The following RBMS1 variants were observed in gnomAD, a reference collection of about 807,000 sequenced individuals.
RBMS1 encodes the protein RNA binding motif single stranded interacting protein 1.
RBMS1 carries 17 observed loss-of-function variants against 62.3 expected under a neutral mutation model. The ratio of observed to expected loss-of-function variants is 0.27; its 90% CI spans 0.19 to 0.41. RBMS1 has a LOEUF of 0.41. Among genes scored for constraint, RBMS1 ranks in the 10% least tolerant of loss-of-function variants. The probability of loss-of-function intolerance (pLI) is 1.00; values close to 1 mark genes in which losing one functional copy is unlikely to be tolerated. For missense variants in RBMS1, 334 were observed against 504.5 expected (o/e 0.66, Z 3.24); for synonymous variants, 172 against 170.0 (o/e 1.01, Z -0.09).
At chr2:160,419,470 T>C (rs560006471) in intron 1 of RBMS1, among the ~76,000 whole-genome samples, 7 of 152,308 alleles carry the variant, frequency 4.6e-5, no homozygotes, top group South Asian at 4.1e-4. Context: ...GTATAAACTC[T>C]TGTAGTTCAA....
At chr2:160,400,527 T>C (rs967811395) in intron 1 of RBMS1, among the ~76,000 whole-genome samples, 17 of 152,026 alleles carry the variant, frequency 1.1e-4, no homozygotes, top group Admixed American at 1.1e-3. Context: ...AATTTATCTG[T>C]CCACAAAACA....
chr2:160,355,787 A>G (rs1469841997), intron 2 of RBMS1, among the ~76,000 whole-genome samples: 3 of 151,978 alleles, frequency 2.0e-5, no homozygotes, highest in Non-Finnish European at 4.4e-5. Context: ...ATCACTCCCT[A>G]CTTTGTAATC....
intron 1 of RBMS1, among the ~76,000 whole-genome samples, chr2:160,426,199 GAAGA>G (rs1375365998): frequency 1.5e-5 from 2 of 131,314 alleles, no homozygotes; most frequent in Non-Finnish European, 3.3e-5. Flanking sequence ...CGAAAGAAAG[GAAGA>G]AAGAGAGAGA....
intron 13 of RBMS1, 111 bp downstream of exon 13, chr2:160,275,519 A>G: frequency 6.7e-7 from 1 of 1,486,032 alleles, no homozygotes; most frequent in Non-Finnish European, 9.0e-7. Flanking sequence ...GCCACGATTA[A>G]AGCAGTATGA....
At chr2:160,363,368 A>T (rs890710037) in intron 2 of RBMS1, among the ~76,000 whole-genome samples, 3 of 152,226 alleles carry the variant, frequency 2.0e-5, no homozygotes, top group African/African-American at 7.2e-5. Flanking sequence ...AGCTGGCAAT[A>T]CATAAAAATT....
At chr2:160,402,009 TAGAGGCTGTAA>T (rs1695449471) in intron 1 of RBMS1, 1 of 152,160 alleles carries the variant, frequency 6.6e-6, no homozygotes, top group South Asian at 2.1e-4. Context: ...AGTCCATTCT[TAGAGGCTGTAA>T]ACACGGTCCA....
At chr2:160,277,483 C>A in intron 11 of RBMS1, 100 bp from the exon 12 acceptor site, 2 of 871,882 alleles carry the variant, frequency 2.3e-6, no homozygotes, top group South Asian at 1.6e-5. Flanking sequence ...TTGGAAATCT[C>A]AAAGAAGAAA....
chr2:160,312,821 T>TTA (rs1690003300), intron 4 of RBMS1, among the ~76,000 whole-genome samples: 1 of 143,380 alleles, frequency 7.0e-6, no homozygotes, highest in African/African-American at 2.6e-5. Flanking sequence ...CATTTAAATT[T>TTA]AAAAAAAAAA....
intron 1 of RBMS1, among the ~76,000 whole-genome samples, chr2:160,414,820 C>G (rs1192050317): frequency 1.3e-5 from 2 of 149,346 alleles, no homozygotes; most frequent in East Asian, 3.9e-4. Flanking sequence ...GCACTCCAGC[C>G]TGGGCAACAG....
At chr2:160,358,074 G>A (rs1203651586) in intron 2 of RBMS1, among the ~76,000 whole-genome samples, 1 of 152,104 alleles carries the variant, frequency 6.6e-6, no homozygotes, top group African/African-American at 2.4e-5. Flanking sequence ...AAAAGAAAAG[G>A]ATTCTATATT....
At chr2:160,477,781 A>G (rs1176875179) in intron 1 of RBMS1, among the ~76,000 whole-genome samples, 1 of 152,190 alleles carries the variant, frequency 6.6e-6, no homozygotes, top group Non-Finnish European at 1.5e-5. Flanking sequence ...TAGACTTTAT[A>G]TCTTTCCGAT....
rs964846822 is a variant in RBMS1, at chr2:160,448,853, G to A, written c.75+44436C>T. Among the ~76,000 whole-genome samples, 6 of 150,178 alleles carry A rather than the reference G, an allele frequency of 4.0e-5. No homozygotes were observed. The South Asian group carries it at 8.4e-4, about 21-fold the overall frequency. Reference sequence around the variant, plus strand: ...CCATCCTGTCTAGGAAGTGAGGAGCGTCTCTGCCTGGCCGCCCATCGTCTG... The same window carrying A: ...CCATCCTGTCTAGGAAGTGAGGAGCATCTCTGCCTGGCCGCCCATCGTCTG... On this transcript the variant is annotated intron_variant, in intron 1 of 13. Transcript: ENST00000348849.
chr2:160,345,014 C>T lies in RBMS1; in HGVS notation c.251+22202G>A, dbSNP rs79666996. ...TAGGATACATACCTCTATGTATCTCCTACAAATAAGCTTAGAATGTTACTA... is the reference window on the plus strand; with the variant it reads ...TAGGATACATACCTCTATGTATCTCTTACAAATAAGCTTAGAATGTTACTA... On this transcript the variant is annotated intron_variant, in intron 2 of 13. Transcript: ENST00000348849. Among the ~76,000 whole-genome samples the T allele has an allele frequency of 2.6e-3, 402 of 152,170 alleles. 12 individuals carry two copies. In the East Asian group the frequency reaches 0.071, roughly 27 times the overall value.
At chr2:160,384,809 T>C (rs1694482528) in intron 1 of RBMS1, among the ~76,000 whole-genome samples, 1 of 152,218 alleles carries the variant, frequency 6.6e-6, no homozygotes, top group Admixed American at 6.5e-5. Flanking sequence ...TCTGATATGG[T>C]TTAGATTTGT....
intron 1 of RBMS1, among the ~76,000 whole-genome samples, chr2:160,376,268 T>C (rs1017291436): frequency 6.6e-6 from 1 of 152,224 alleles, no homozygotes; most frequent in Admixed American, 6.5e-5. Context: ...AACTTATTTA[T>C]TTATTCTTAG....
At chr2:160,456,101 A>G (rs540076037) in intron 1 of RBMS1, among the ~76,000 whole-genome samples, 3 of 152,362 alleles carry the variant, frequency 2.0e-5, no homozygotes, top group African/African-American at 7.2e-5. Flanking sequence ...ACCTACAGGC[A>G]ATGTGAAAAG....
At chr2:160,285,552 G>C (rs557064886) in intron 7 of RBMS1, among the ~76,000 whole-genome samples, 4 of 151,612 alleles carry the variant, frequency 2.6e-5, no homozygotes, top group African/African-American at 7.3e-5. Context: ...GGATCAATAT[G>C]TTATTGTTTT....
chr2:160,281,440 A>T, intron 9 of RBMS1, 76 bp from the exon 10 acceptor site: 1 of 1,194,458 alleles, frequency 8.4e-7, no homozygotes. Flanking sequence ...ACTCTTTTTA[A>T]TCATGTTAAA....
At chr2:160,450,196 T>C (rs1355121898) in intron 1 of RBMS1, among the ~76,000 whole-genome samples, 1 of 152,166 alleles carries the variant, frequency 6.6e-6, no homozygotes, top group African/African-American at 2.4e-5. Flanking sequence ...TGCTAAGCAC[T>C]CTATGGGAAT....
Sources: allele counts gnomAD v4.1 joint callset (sites outside exome capture counted in the v4.1 genomes callset), GRCh38; gene constraint gnomAD v4.1.1; transcripts MANE v1.5; gene names NCBI Gene and HGNC (gene_info 2026-07-23, HGNC 2026-07-21).